TMTC2: variants seen among roughly 807,000 people sequenced by gnomAD.
The protein encoded by TMTC2 is transmembrane O-mannosyltransferase targeting cadherins 2, also known as protein O-mannosyl-transferase TMTC2.
A neutral mutation model predicts 82.4 loss-of-function variants in TMTC2; 43 were observed. The observed-to-expected ratio is 0.52, with a 90% CI of 0.41 to 0.67. The LOEUF (loss-of-function observed/expected upper bound fraction) is 0.67. TMTC2 is among the 30% of genes least tolerant of loss of function. The probability of loss-of-function intolerance (pLI) is 0.00; values close to 1 mark genes in which losing one functional copy is unlikely to be tolerated. For synonymous variants in TMTC2, 408 were observed against 381.9 expected, an observed-to-expected ratio of 1.07 and a Z score of -0.80; for missense variants, 919 against 1,012.4, an observed-to-expected ratio of 0.91 and a Z score of 1.25.
At chr12:83,092,694 A>G (rs975564518) in intron 11 of TMTC2, among the ~76,000 whole-genome samples, 1 of 152,212 alleles carries the variant, frequency 6.6e-6, no homozygotes, top group African/African-American at 2.4e-5. Flanking sequence ...TAGAAATACC[A>G]TCTATGTTCT....
intron 8 of TMTC2, among the ~76,000 whole-genome samples, chr12:83,025,414 T>G (rs1881121224): frequency 6.6e-6 from 1 of 150,480 alleles, no homozygotes; most frequent in Non-Finnish European, 1.5e-5. Flanking sequence ...ATAAATGTAT[T>G]ATATATTTAT....
At chr12:83,125,391 G>A (rs980840244) in intron 11 of TMTC2, among the ~76,000 whole-genome samples, 2 of 152,208 alleles carry the variant, frequency 1.3e-5, no homozygotes, top group African/African-American at 4.8e-5. Context: ...CCATGTAGGT[G>A]ATATTTTGTA....
intron 1 of TMTC2, among the ~76,000 whole-genome samples, chr12:82,838,010 G>A (rs970657421): frequency 2.0e-5 from 3 of 152,170 alleles, no homozygotes; most frequent in Non-Finnish European, 4.4e-5. Flanking sequence ...AAAAAGATGG[G>A]AGAAAGCATT....
rs556714229 is a variant in TMTC2, at chr12:82,912,464, A to T, written c.1483+15818A>T. On this transcript the variant is annotated intron_variant, in intron 3 of 11. Transcript: ENST00000321196. ...AATATCTCAACTTGTATTTCATGAG[A>T]CTACCAGCAAAGACCACAAGGTCTA... Among the ~76,000 whole-genome samples, 3 of 152,304 alleles carry T rather than the reference A, an allele frequency of 2.0e-5. No individual in the cohort carries two copies. The South Asian group carries it at 6.2e-4, about 32-fold the overall frequency.
chr12:82,842,855 T>C (rs992826919), intron 1 of TMTC2, among the ~76,000 whole-genome samples: 1 of 152,210 alleles, frequency 6.6e-6, no homozygotes, highest in Non-Finnish European at 1.5e-5. Context: ...CCAGTCATGT[T>C]GGATTAGGAC....
intron 1 of TMTC2, among the ~76,000 whole-genome samples, chr12:82,718,952 C>A (rs970931093): frequency 2.0e-5 from 3 of 149,786 alleles, no homozygotes; most frequent in African/African-American, 7.4e-5. Flanking sequence ...GAGTTTAATC[C>A]TATTGATTAT....
intron 8 of TMTC2, among the ~76,000 whole-genome samples, chr12:83,011,738 A>T (rs1880471537): frequency 6.6e-6 from 1 of 152,150 alleles, no homozygotes; most frequent in Admixed American, 6.5e-5. Flanking sequence ...AATCTAAAAC[A>T]CTTTCTCTTT....
At chr12:83,081,593 A>C (rs1013378878) in intron 11 of TMTC2, among the ~76,000 whole-genome samples, 6 of 152,238 alleles carry the variant, frequency 3.9e-5, no homozygotes, top group Non-Finnish European at 8.8e-5. Flanking sequence ...TGTTTGAGAA[A>C]AAGTTCATAT....
intron 1 of TMTC2, among the ~76,000 whole-genome samples, chr12:82,804,635 C>T (rs1422805759): frequency 1.3e-5 from 2 of 151,958 alleles, no homozygotes; most frequent in Non-Finnish European, 2.9e-5. Context: ...GCCTCAAGTG[C>T]TTATTGACCA....
intron 1 of TMTC2, among the ~76,000 whole-genome samples, chr12:82,782,126 T>C (rs1877940020): frequency 1.3e-5 from 2 of 152,144 alleles, no homozygotes. Flanking sequence ...TTGACTCTGA[T>C]GCTTCCTAAT....
At chr12:82,696,746 T>A (rs1872807123) in intron 1 of TMTC2, among the ~76,000 whole-genome samples, 1 of 152,102 alleles carries the variant, frequency 6.6e-6, no homozygotes, top group Admixed American at 6.5e-5. Flanking sequence ...TTCAATACAC[T>A]CCTGGCATGA....
chr12:82,882,978 C>T (rs796480573), intron 2 of TMTC2, among the ~76,000 whole-genome samples: 2 of 149,242 alleles, frequency 1.3e-5, no homozygotes, highest in African/African-American at 2.4e-5. Context: ...ATTGCTTGAA[C>T]CTGGGAGGCG....
At chr12:82,803,721 A>C (rs1261909616) in intron 1 of TMTC2, among the ~76,000 whole-genome samples, 1 of 152,096 alleles carries the variant, frequency 6.6e-6, no homozygotes, top group African/African-American at 2.4e-5. Context: ...CCAGGCATGC[A>C]GGCAGCCCAC....
intron 9 of TMTC2, among the ~76,000 whole-genome samples, chr12:83,038,938 T>G (rs1473827623): frequency 2.0e-5 from 3 of 148,280 alleles, no homozygotes; most frequent in South Asian, 4.3e-4. Flanking sequence ...TTTTTTTTTT[T>G]TTTTTTTTTT....
intron 11 of TMTC2, among the ~76,000 whole-genome samples, chr12:83,131,261 C>CAG (rs779197933): frequency 1.3e-4 from 20 of 152,152 alleles, no homozygotes; most frequent in Non-Finnish European, 2.8e-4. Flanking sequence ...GGGACAGGAG[C>CAG]AGAACAGCCT....
chr12:83,037,182 C>G (rs2137433544), intron 9 of TMTC2, among the ~76,000 whole-genome samples: 1 of 152,288 alleles, frequency 6.6e-6, no homozygotes, highest in Middle Eastern at 3.4e-3. Flanking sequence ...AAAGTAGGCT[C>G]TGGAGGACAG....
chr12:83,011,227 A>G (rs1796197), intron 8 of TMTC2, among the ~76,000 whole-genome samples: 119,049 of 152,150 alleles, frequency 0.78, 47,641 homozygotes, highest in South Asian at 0.93. Flanking sequence ...TTAGGACTCC[A>G]TCATTTTAGG....
Position 82,997,398 on chromosome 12 carries a change from G to A in TMTC2, c.2070+11352G>A, listed in dbSNP as rs9888390. On this transcript the variant is annotated intron_variant, in intron 8 of 11. Coordinates refer to ENST00000321196, the MANE Select transcript of TMTC2 (RefSeq NM_152588.3). The stretch of plus-strand genomic sequence containing the variant: ...TATATATATGTGTATATATATATGT[G>A]TATATATATATGTGTATATATATAT... Among the ~76,000 whole-genome samples, 28 of 45,982 alleles carry A rather than the reference G, an allele frequency of 6.1e-4. 1 individual carries two copies. Among genetic ancestry groups the A allele is most frequent in the African/African-American group, 1.8e-3 (26 of 14,612 alleles). The allele number at this position is 45,982 out of a possible 152,430, so 30.2% of individuals were successfully genotyped here.
At chr12:83,009,113 T>G (rs888317463) in intron 8 of TMTC2, among the ~76,000 whole-genome samples, 5 of 152,146 alleles carry the variant, frequency 3.3e-5, no homozygotes, top group African/African-American at 1.2e-4. Flanking sequence ...AGTGAATAGA[T>G]TAATTGAGAG....
Sources: allele counts gnomAD v4.1 joint callset (sites outside exome capture counted in the v4.1 genomes callset), GRCh38; gene constraint gnomAD v4.1.1; transcripts MANE v1.5; gene names NCBI Gene and HGNC (gene_info 2026-07-23, HGNC 2026-07-21).